COL19A1: variants seen among roughly 807,000 people sequenced by gnomAD.
The protein encoded by COL19A1 is collagen alpha-1(XIX) chain.
COL19A1 carries 159 observed loss-of-function variants against 190.2 expected under a neutral mutation model. The observed-to-expected ratio is 0.84, with a 90% CI of 0.73 to 0.95. The LOEUF is 0.95. Among genes scored for constraint, COL19A1 ranks in the 40% least tolerant of loss-of-function variants. The probability of loss-of-function intolerance (pLI) is 0.00; values close to 1 mark genes in which losing one functional copy is unlikely to be tolerated. For synonymous variants in COL19A1, 509 were observed against 458.9 expected (o/e 1.11, Z -1.39); for missense variants, 1,418 against 1,431.9 (o/e 0.99, Z 0.16).
At chr6:69,866,854 G>C (rs1034081655) in intron 1 of COL19A1, among the ~76,000 whole-genome samples, 1 of 152,144 alleles carries the variant, frequency 6.6e-6, no homozygotes, top group African/African-American at 2.4e-5. Flanking sequence ...AAAACGTTTG[G>C]CAGGAGACGG....
intron 11 of COL19A1, among the ~76,000 whole-genome samples, chr6:69,966,399 A>G (rs1775106447): frequency 6.6e-6 from 1 of 152,244 alleles, no homozygotes; most frequent in East Asian, 1.9e-4. Context: ...AAGTAGACAT[A>G]GGAGACTCCA....
chr6:70,114,834 C>T (rs1220474846), intron 16 of COL19A1, among the ~76,000 whole-genome samples: 1 of 152,164 alleles, frequency 6.6e-6, no homozygotes, highest in Non-Finnish European at 1.5e-5. Flanking sequence ...TCATTAGATT[C>T]TATTTTCAAT....
At chr6:69,963,930 C>T (rs1343504285) in intron 11 of COL19A1, among the ~76,000 whole-genome samples, 4 of 152,112 alleles carry the variant, frequency 2.6e-5, no homozygotes, top group African/African-American at 9.7e-5. Context: ...CAAAATTTTC[C>T]TTCAGATAAT....
intron 20 of COL19A1, 87 bp from the exon 21 acceptor site, chr6:70,141,806 A>ATTTAC (rs1410436863): frequency 1.2e-6 from 1 of 859,614 alleles, no homozygotes; most frequent in Non-Finnish European, 1.9e-6. Flanking sequence ...TTGTATGTTA[A>ATTTAC]TTAGTAGAAA....
chr6:70,062,775 G>A (rs1349373472), intron 14 of COL19A1, among the ~76,000 whole-genome samples: 3 of 152,122 alleles, frequency 2.0e-5, no homozygotes, highest in African/African-American at 4.8e-5. Context: ...AAAATAAAGG[G>A]ATGGAGGAAG....
intron 27 of COL19A1, among the ~76,000 whole-genome samples, chr6:70,147,851 C>T (rs6933023): frequency 0.49 from 74,509 of 152,008 alleles, 19,006 homozygotes; most frequent in African/African-American, 0.62. Flanking sequence ...CAGCTATAAA[C>T]TGGGAGCTTC....
intron 2 of COL19A1, among the ~76,000 whole-genome samples, chr6:69,898,508 G>A (rs2149970566): frequency 6.6e-6 from 1 of 152,056 alleles, no homozygotes; most frequent in Non-Finnish European, 1.5e-5. Flanking sequence ...TTTTATTTTA[G>A]TAACTTCCAT....
At chr6:70,179,088 T>C (rs940069196) in intron 42 of COL19A1, among the ~76,000 whole-genome samples, 7 of 151,994 alleles carry the variant, frequency 4.6e-5, no homozygotes, top group African/African-American at 1.7e-4. Flanking sequence ...CTCTAACACA[T>C]CTTCCCACTC....
intron 11 of COL19A1, among the ~76,000 whole-genome samples, chr6:69,974,806 CT>C (rs35518948): frequency 0.022 from 2,026 of 93,106 alleles, 15 homozygotes; most frequent in African/African-American, 0.072. Flanking sequence ...AGACAGCTTC[CT>C]TTTTTTTTTT....
rs1172625269 is a variant in COL19A1 at position 70,211,737 on chromosome 6, C to T, written c.*4463C>T. 2.0e-5 allele frequency among the ~76,000 whole-genome samples: 3 copies of T among 151,564 alleles called. No homozygotes were observed. Among genetic ancestry groups the T allele is most frequent in the South Asian group, 2.1e-4 (1 of 4,784 alleles). ...GGCATACTTGGAGCTATAATCCAAA[C>T]GTTTTACTCAACAAAATAATGCTAG... On this transcript the variant is annotated 3_prime_UTR_variant, in exon 51 of 51. Coordinates refer to ENST00000620364, the MANE Select transcript of COL19A1 (RefSeq NM_001858.6).
At chr6:70,203,015 C>T (rs182574350) in intron 49 of COL19A1, among the ~76,000 whole-genome samples, 50 of 152,234 alleles carry the variant, frequency 3.3e-4, no homozygotes, top group East Asian at 1.2e-3. Flanking sequence ...CTGGTTCTCC[C>T]GGGTATGAGC....
intron 11 of COL19A1, among the ~76,000 whole-genome samples, chr6:70,008,638 A>AT (rs916499683): frequency 1.3e-5 from 2 of 151,708 alleles, no homozygotes; most frequent in African/African-American, 4.8e-5. Flanking sequence ...CCTACACATA[A>AT]TTTTTTCAAA....
chr6:70,000,947 C>G (rs2150083991), intron 11 of COL19A1, among the ~76,000 whole-genome samples: 3 of 152,226 alleles, frequency 2.0e-5, no homozygotes, highest in African/African-American at 7.2e-5. Context: ...TTTGCCCATG[C>G]CTATGTCCTG....
chr6:69,952,385 C>T (rs534948037), intron 9 of COL19A1, among the ~76,000 whole-genome samples: 1 of 151,848 alleles, frequency 6.6e-6, no homozygotes, highest in South Asian at 2.1e-4. Flanking sequence ...TAATGCAACA[C>T]CTAATGTAGA....
rs146282837 is a variant in COL19A1 at position 70,201,618 on chromosome 6, C to G, written c.3223+1882C>G. Among the ~76,000 whole-genome samples, 381 of 152,288 alleles carry G rather than the reference C, an allele frequency of 2.5e-3. 4 individuals carry two copies. The highest frequency in any genetic ancestry group is 8.9e-3 in the African/African-American group (368 of 41,564). On this transcript the variant is annotated intron_variant, in intron 49 of 50. Coordinates refer to ENST00000620364, the MANE Select transcript of COL19A1 (RefSeq NM_001858.6). ...ATTGGGTTTCTGACAACAGACATAT[C>G]TTGACTACAACTTAGTATATGTCTC...
intron 14 of COL19A1, among the ~76,000 whole-genome samples, chr6:70,042,064 C>CAAATA (rs1020993365): frequency 1.3e-5 from 2 of 151,856 alleles, no homozygotes; most frequent in South Asian, 2.1e-4. Flanking sequence ...GACTCTGTCT[C>CAAATA]AAATAAAATA....
At chr6:69,944,572 T>A (rs1773675460) in intron 9 of COL19A1, among the ~76,000 whole-genome samples, 1 of 152,148 alleles carries the variant, frequency 6.6e-6, no homozygotes, top group African/African-American at 2.4e-5. Flanking sequence ...AAAATTCTTT[T>A]CACATTGATT....
At chr6:70,119,432 A>G (rs759799661) in intron 16 of COL19A1, among the ~76,000 whole-genome samples, 1 of 152,198 alleles carries the variant, frequency 6.6e-6, no homozygotes, top group Non-Finnish European at 1.5e-5. Flanking sequence ...TGCTACGTAG[A>G]AGTTTTGTTG....
chr6:70,118,765 C>T (rs577326132), intron 16 of COL19A1, among the ~76,000 whole-genome samples: 9 of 152,038 alleles, frequency 5.9e-5, no homozygotes, highest in African/African-American at 1.7e-4. Context: ...TGAATAATAA[C>T]GTTCAACCTT....
Sources: gnomAD v4.1 joint callset for allele counts (sites outside exome capture counted in the v4.1 genomes callset) on GRCh38, gnomAD v4.1.1 for gene constraint, MANE v1.5 for transcripts, NCBI Gene and HGNC (gene_info 2026-07-23, HGNC 2026-07-21) for gene names.